SLC14A2: variants seen among roughly 807,000 people sequenced by gnomAD.
SLC14A2 encodes urea transporter 2.
In SLC14A2, 91 loss-of-function variants were observed where a neutral mutation model predicts 104.6. The ratio of observed to expected loss-of-function variants is 0.87; its 90% CI spans 0.73 to 1.04. The LOEUF is 1.04. SLC14A2 is among the 50% of genes least tolerant of loss of function. The probability of loss-of-function intolerance (pLI) is 0.00; values close to 1 mark genes in which losing one functional copy is unlikely to be tolerated. For synonymous variants in SLC14A2, 476 were observed against 466.4 expected (o/e 1.02, Z -0.27); for missense variants, 1,189 against 1,156.0 (o/e 1.03, Z -0.41).
At chr18:45,301,390 G>A (rs1291899765) in intron 1 of SLC14A2, among the ~76,000 whole-genome samples, 1 of 152,176 alleles carries the variant, frequency 6.6e-6, no homozygotes, top group Non-Finnish European at 1.5e-5. Flanking sequence ...AGTGGAAAAA[G>A]ACAACTTAGA....
intron 13 of SLC14A2, 31 bp downstream of exon 13, chr18:45,667,125 G>A (rs746083773): frequency 7.6e-6 from 12 of 1,589,030 alleles, no homozygotes; most frequent in South Asian, 1.1e-5. Flanking sequence ...CACTGACCCT[G>A]ACCCTAAAAA....
intron 1 of SLC14A2, among the ~76,000 whole-genome samples, chr18:45,275,182 G>A (rs544460233): frequency 3.3e-5 from 5 of 152,090 alleles, no homozygotes; most frequent in East Asian, 1.9e-4. Context: ...CTTATTATTC[G>A]ACAAAAATGA....
chr18:45,667,017 C>T lies in SLC14A2; in HGVS notation c.1640C>T (p.Ala547Val). 6.2e-7 allele frequency: 1 copy of T among 1,613,724 alleles called. No homozygotes were observed. The highest frequency in any genetic ancestry group is 8.5e-7 in the Non-Finnish European group (1 of 1,179,626). The stretch of plus-strand genomic sequence containing the variant: ...ACATCCTGGATTCGGAGTTCCATGG[C>T]TGCCAGTGGGAAAAGGGTCAGCAAA... ...SKTSWIRSSM[A>V]ASGKRVSKAL... Residue 547 changes from alanine to valine, a missense_variant, in exon 13 of 20, where the codon GCT becomes GTT. Physicochemically the swap from Ala to Val is moderately conservative, Grantham distance 64 (BLOSUM62 0). Transcript: ENST00000255226.
intron 1 of SLC14A2, among the ~76,000 whole-genome samples, chr18:45,442,347 A>G (rs2086694295): frequency 6.6e-6 from 1 of 152,182 alleles, no homozygotes; most frequent in Non-Finnish European, 1.5e-5. Flanking sequence ...TCAGAGATCA[A>G]GGTATTGATA....
At chr18:45,362,730 C>T (rs2085625011) in intron 1 of SLC14A2, among the ~76,000 whole-genome samples, 1 of 152,192 alleles carries the variant, frequency 6.6e-6, no homozygotes, top group Non-Finnish European at 1.5e-5. Context: ...TTCTAGATAT[C>T]CAGAAGCAGC....
chr18:45,522,532 A>G (rs1249282689), intron 2 of SLC14A2, among the ~76,000 whole-genome samples: 5 of 151,924 alleles, frequency 3.3e-5, no homozygotes, highest in Non-Finnish European at 5.9e-5. Flanking sequence ...CACTACCCAG[A>G]ATGGAAATGC....
intron 1 of SLC14A2, among the ~76,000 whole-genome samples, chr18:45,241,523 A>G (rs1208499870): frequency 6.6e-6 from 1 of 152,090 alleles, no homozygotes; most frequent in African/African-American, 2.4e-5. Context: ...AATGGTGAAG[A>G]CAGAGGTGCA....
intron 1 of SLC14A2, among the ~76,000 whole-genome samples, chr18:45,334,346 T>C (rs1415886615): frequency 6.6e-6 from 1 of 152,194 alleles, no homozygotes; most frequent in Non-Finnish European, 1.5e-5. Context: ...ACTGGAGACA[T>C]TGGGGATGTG....
intron 1 of SLC14A2, among the ~76,000 whole-genome samples, chr18:45,475,672 T>TATATATATATAGATAG (rs1568228106): frequency 1.0e-5 from 1 of 97,710 alleles, no homozygotes; most frequent in Admixed American, 1.1e-4. Context: ...TATATATATA[T>TATATATATATAGATAG]ATATATATAT....
At chr18:45,252,947 T>G (rs1402087736) in intron 1 of SLC14A2, among the ~76,000 whole-genome samples, 2 of 152,108 alleles carry the variant, frequency 1.3e-5, no homozygotes, top group African/African-American at 4.8e-5. Flanking sequence ...TTTCTACAGA[T>G]AAGATAATTT....
chr18:45,537,453 A>G (rs1014302491), intron 2 of SLC14A2, among the ~76,000 whole-genome samples: 3 of 152,162 alleles, frequency 2.0e-5, no homozygotes, highest in African/African-American at 7.2e-5. Context: ...AGTCCTGGAC[A>G]GGGAACAGAG....
chr18:45,674,804 C>T (rs567318954), intron 18 of SLC14A2, among the ~76,000 whole-genome samples: 206 of 152,288 alleles, frequency 1.4e-3, no homozygotes, highest in African/African-American at 4.6e-3. Context: ...AAGGGAGACA[C>T]GTGGGATGCA....
chr18:45,345,033 A>G (rs1246886044), intron 1 of SLC14A2, among the ~76,000 whole-genome samples: 1 of 152,188 alleles, frequency 6.6e-6, no homozygotes, highest in Non-Finnish European at 1.5e-5. Context: ...GACGTGCAGT[A>G]TGATCCATGA....
chr18:45,627,256 T>C, intron 4 of SLC14A2, 109 bp downstream of exon 4: 1 of 947,442 alleles, frequency 1.1e-6, no homozygotes, highest in Non-Finnish European at 1.6e-6. Context: ...CAAAGTCTCC[T>C]GAGTATCAAC....
chr18:45,209,671 A>G (rs1459518193), upstream of SLC14A2, among the ~76,000 whole-genome samples: 5 of 152,132 alleles, frequency 3.3e-5, no homozygotes, highest in Non-Finnish European at 7.3e-5. Flanking sequence ...GTAACCTTGG[A>G]CTGCTGTGGA....
chr18:45,522,378 G>T (rs758806339), intron 2 of SLC14A2, among the ~76,000 whole-genome samples: 4 of 152,148 alleles, frequency 2.6e-5, no homozygotes, highest in Admixed American at 2.0e-4. Context: ...ACCCCGGAAG[G>T]TGCACCCTTG....
In SLC14A2 at chr18:45,340,319, C is replaced by A. The variant is rs1439376919; in HGVS notation, c.-125+127128C>A. ...CCTAAGATTTAGAAATGACTGTGTG[C>A]TGATGGAGGGCTTTTCTCTATGTTA... On this transcript the variant is annotated intron_variant, in intron 1 of 20. Coordinates refer to the SLC14A2 transcript ENST00000586448. 2.6e-5 allele frequency among the ~76,000 whole-genome samples: 4 copies of A among 152,336 alleles called. No individual in the cohort carries two copies. In the East Asian group the frequency reaches 7.7e-4, roughly 29 times the overall value.
chr18:45,401,705 G>A (rs1186300438), intron 1 of SLC14A2, among the ~76,000 whole-genome samples: 2 of 152,192 alleles, frequency 1.3e-5, no homozygotes, highest in Admixed American at 1.3e-4. Context: ...AAAAAATTTA[G>A]TAGGGATACT....
At chr18:45,666,853 T>G (rs2046033140) in intron 12 of SLC14A2, 82 bp from the exon 13 acceptor site, 5 of 1,170,402 alleles carry the variant, frequency 4.3e-6, no homozygotes, top group Middle Eastern at 2.0e-4. Context: ...TCTTATTTGG[T>G]CCCTGAGTGA....
Sources: gnomAD v4.1 joint callset for allele counts (sites outside exome capture counted in the v4.1 genomes callset) on GRCh38, gnomAD v4.1.1 for gene constraint, MANE v1.5 for transcripts, NCBI Gene and HGNC (gene_info 2026-07-23, HGNC 2026-07-21) for gene names.